SLC25A12: variants seen among roughly 807,000 people sequenced by gnomAD.
The protein encoded by SLC25A12 is solute carrier family 25 member 12, also known as electrogenic aspartate/glutamate antiporter SLC25A12, mitochondrial.
SLC25A12 carries 32 observed loss-of-function variants against 83.3 expected under a neutral mutation model. That is an observed-to-expected ratio of 0.38 (90% CI 0.29 to 0.52). The LOEUF (loss-of-function observed/expected upper bound fraction) is 0.52. Ranked by LOEUF, SLC25A12 falls within the 20% of genes least tolerant of loss-of-function variation. SLC25A12 has a pLI of 0.84. For synonymous variants in SLC25A12, 267 were observed against 291.1 expected, an observed-to-expected ratio of 0.92 and a Z score of 0.84; for missense variants, 611 against 835.6, an observed-to-expected ratio of 0.73 and a Z score of 3.31.
chr2:171,893,069 T>C lies in SLC25A12; in HGVS notation c.66+136A>G, dbSNP rs1558948861. On this transcript the variant is annotated intron_variant, in intron 2 of 17. Transcript: ENST00000422440. ...AAATCAAACCTTATTAAGAGAAGTA[T>C]AAGCTATATTGTCCGGTCATGTTTG... 4.9e-5 allele frequency: 33 copies of C among 670,764 alleles called. No individual in the cohort carries two copies. In the East Asian group the frequency reaches 8.4e-4, roughly 17 times the overall value. 41.6% of individuals were successfully genotyped at this position (670,764 alleles called of 1,614,324 possible). A position where few individuals can be genotyped will look rare whatever the true frequency, so the allele number is the denominator to read the frequency against.
intron 2 of SLC25A12, among the ~76,000 whole-genome samples, chr2:171,876,549 G>A (rs1393189256): frequency 7.0e-6 from 1 of 143,434 alleles, no homozygotes; most frequent in East Asian, 2.4e-4. Context: ...TTTTTGGGGG[G>A]GGGGGGACTC....
chr2:171,885,176 CAAA>C (rs11458998), intron 2 of SLC25A12, among the ~76,000 whole-genome samples: 2 of 120,470 alleles, frequency 1.7e-5, no homozygotes. Flanking sequence ...GACTCCGTCT[CAAA>C]AAAAAAAAAA....
chr2:171,830,756 G>A lies in SLC25A12; in HGVS notation c.845+3207C>T, dbSNP rs564469308. On this transcript the variant is annotated intron_variant, in intron 8 of 17. Transcript: ENST00000422440. ...CCTCGAACTCCTGACCTCATGATCC[G>A]CCCACCTTGGCCTCCTAAAGTGCTG... 7.9e-5 allele frequency among the ~76,000 whole-genome samples: 12 copies of A among 152,100 alleles called. No individual in the cohort carries two copies. In the East Asian group the frequency reaches 1.4e-3, roughly 17 times the overall value.
intron 3 of SLC25A12, among the ~76,000 whole-genome samples, chr2:171,862,053 A>G (rs1685175375): frequency 6.6e-6 from 1 of 152,228 alleles, no homozygotes; most frequent in African/African-American, 2.4e-5. Flanking sequence ...ATGACAAAAT[A>G]TTAATGTTAA....
chr2:171,806,353 G>C (rs1683829586), intron 13 of SLC25A12, among the ~76,000 whole-genome samples: 1 of 152,192 alleles, frequency 6.6e-6, no homozygotes, highest in Non-Finnish European at 1.5e-5. Context: ...TACTAGGGAG[G>C]CTGAGGCAGG....
chr2:171,828,139 A>G (rs1684351114), intron 8 of SLC25A12, among the ~76,000 whole-genome samples: 1 of 152,160 alleles, frequency 6.6e-6, no homozygotes, highest in East Asian at 1.9e-4. Context: ...TCAGTCTTTC[A>G]GAGGCTGTTT....
chr2:171,865,282 C>T (rs976616513), intron 3 of SLC25A12, among the ~76,000 whole-genome samples: 13 of 152,150 alleles, frequency 8.5e-5, no homozygotes, highest in African/African-American at 3.1e-4. Flanking sequence ...AAAGAAATGC[C>T]TGTATCCTTG....
chr2:171,890,513 TG>T (rs1685909123), intron 2 of SLC25A12, among the ~76,000 whole-genome samples: 1 of 151,508 alleles, frequency 6.6e-6, no homozygotes, highest in African/African-American at 2.4e-5. Flanking sequence ...AACAAGGTCT[TG>T]CTCTGTTGCC....
intron 2 of SLC25A12, among the ~76,000 whole-genome samples, chr2:171,869,370 G>C (rs1167128518): frequency 6.6e-6 from 1 of 152,052 alleles, no homozygotes; most frequent in African/African-American, 2.4e-5. Context: ...ACATATATTG[G>C]TAAGATAAAA....
At chr2:171,892,183 G>T (rs1391248337) in intron 2 of SLC25A12, among the ~76,000 whole-genome samples, 1 of 151,690 alleles carries the variant, frequency 6.6e-6, no homozygotes, top group African/African-American at 2.4e-5. Flanking sequence ...ATTTCAGAGA[G>T]AAATGCAATA....
chr2:171,892,237 T>TC (rs1229381760), intron 2 of SLC25A12, among the ~76,000 whole-genome samples: 1 of 151,852 alleles, frequency 6.6e-6, no homozygotes, highest in African/African-American at 2.4e-5. Context: ...ATCTACTTTT[T>TC]TTTTTTTTTG....
At chr2:171,876,547 G>GGA (rs1685577432) in intron 2 of SLC25A12, among the ~76,000 whole-genome samples, 1 of 53,746 alleles carries the variant, frequency 1.9e-5, no homozygotes, top group African/African-American at 4.2e-5. Context: ...TTTTTTTGGG[G>GGA]GGGGGGGGAC....
chr2:171,798,272 C>A (rs1435381231), intron 13 of SLC25A12, among the ~76,000 whole-genome samples: 2 of 152,240 alleles, frequency 1.3e-5, no homozygotes, highest in Admixed American at 1.3e-4. Context: ...CATGCCTCCA[C>A]AGTGCCAAAG....
At position 171,840,296 on chromosome 2, in the gene SLC25A12, G is replaced by A. The variant is rs553660748; in HGVS notation, c.466-3029C>T. 9.2e-5 allele frequency among the ~76,000 whole-genome samples: 14 copies of A among 152,010 alleles called. No individual in the cohort carries two copies. In the South Asian group the frequency reaches 2.9e-3, roughly 32 times the overall value. On this transcript the variant is annotated intron_variant, in intron 5 of 17. Transcript: ENST00000422440. ...GCTATTCAGGAGGCCGAGGTGAAAG[G>A]ATCCCTGGAACCTGGGGAAGTCAAG...
intron 9 of SLC25A12, among the ~76,000 whole-genome samples, chr2:171,820,493 C>T (rs1232992484): frequency 6.7e-6 from 1 of 150,240 alleles, no homozygotes; most frequent in Non-Finnish European, 1.5e-5. Flanking sequence ...CTTTGGGAGG[C>T]CGAGGCGGGC....
chr2:171,817,600 C>CAAAAAAAAAAAA (rs71013076), intron 9 of SLC25A12, among the ~76,000 whole-genome samples: 6 of 64,254 alleles, frequency 9.3e-5, no homozygotes, highest in African/African-American at 1.3e-4. Context: ...GACTCTGCCT[C>CAAAAAAAAAAAA]AAAAAAAAAA....
chr2:171,817,337 C>T (rs951343932), intron 9 of SLC25A12, among the ~76,000 whole-genome samples: 3 of 152,108 alleles, frequency 2.0e-5, no homozygotes, highest in African/African-American at 7.2e-5. Flanking sequence ...CACAGTGGCT[C>T]ATACCTGTAA....
chr2:171,874,806 CTTT>C (rs1302254838), intron 2 of SLC25A12, among the ~76,000 whole-genome samples: 10 of 152,152 alleles, frequency 6.6e-5, no homozygotes, highest in Admixed American at 5.9e-4. Context: ...CACATGTTCT[CTTT>C]TAAAAGTGGG....
At position 171,784,935 on chromosome 2, in the gene SLC25A12, T is replaced by C. The variant is rs1690459226; in HGVS notation, c.*339A>G. ...CCGCATTACATTTCTACAAATGTGA[T>C]TTGTTGGGATGAGGTGCCAAGATGT... On this transcript the variant is annotated 3_prime_UTR_variant, in exon 18 of 18. Transcript: ENST00000422440. 3.3e-6 allele frequency: 1 copy of C among 299,006 alleles called. No homozygotes were observed. Among genetic ancestry groups the C allele is most frequent in the South Asian group, 3.6e-5 (1 of 27,714 alleles). The allele number at this position is 299,006 out of a possible 1,614,324, so 18.5% of individuals were successfully genotyped here.
Sources: allele counts gnomAD v4.1 joint callset (sites outside exome capture counted in the v4.1 genomes callset), GRCh38; gene constraint gnomAD v4.1.1; transcripts MANE v1.5; gene names NCBI Gene and HGNC (gene_info 2026-07-23, HGNC 2026-07-21).